TXLNG: variants seen among roughly 807,000 people sequenced by gnomAD.
The protein encoded by TXLNG is gamma-taxilin.
TXLNG carries 5 observed loss-of-function variants against 38.8 expected under a neutral mutation model. The observed-to-expected ratio is 0.13, with a 90% CI of 0.07 to 0.27. The LOEUF (loss-of-function observed/expected upper bound fraction) is 0.27, where lower values mean the gene tolerates loss of function less well. TXLNG is among the 10% of genes least tolerant of loss of function. The probability of loss-of-function intolerance (pLI) is 1.00; values close to 1 mark genes in which losing one functional copy is unlikely to be tolerated. For missense variants in TXLNG, 393 were observed against 398.2 expected (o/e 0.99, Z 0.11); for synonymous variants, 182 against 158.2 (o/e 1.15, Z -1.13).
In TXLNG at chrX:16,823,082, TAC is replaced by T. The variant is rs1229516726; in HGVS notation, c.498+2829_498+2830del. Among the ~76,000 whole-genome samples the T allele has an allele frequency of 5.4e-5, 6 of 111,935 alleles. No individual in the cohort carries two copies. In the Admixed American group the frequency reaches 5.7e-4, roughly 11 times the overall value. On this transcript the variant is annotated intron_variant, in intron 3 of 9. Coordinates refer to ENST00000380122, the MANE Select transcript of TXLNG (RefSeq NM_018360.3). ...TGCCTAGTGAGTAATCTCTCTTTTA[TAC>T]AGATTTGTGCCAAAAATTTGAAAGA...
chrX:16,824,693 C>T (rs1929105457), intron 3 of TXLNG, among the ~76,000 whole-genome samples: 2 of 108,706 alleles, frequency 1.8e-5, no homozygotes, highest in Admixed American at 1.0e-4. Context: ...CTGAGGCAGG[C>T]GGATCACGAG....
At chrX:16,789,715 GA>G (rs1927633641) in intron 1 of TXLNG, among the ~76,000 whole-genome samples, 1 of 107,645 alleles carries the variant, frequency 9.3e-6, no homozygotes, top group Non-Finnish European at 1.9e-5. Flanking sequence ...CTTTTTTTGG[GA>G]ATGGTTTTTA....
chrX:16,805,007 T>G lies in TXLNG; in HGVS notation c.103-13567T>G, dbSNP rs113864624. Reference sequence around the variant, plus strand: ...CCGCTTTTTTTTTTTTTTTTTTTTTTGAGAGACAGAGCCTGGCTGTGTTGC... The same window carrying G: ...CCGCTTTTTTTTTTTTTTTTTTTTTGGAGAGACAGAGCCTGGCTGTGTTGC... On this transcript the variant is annotated intron_variant, in intron 1 of 9. Transcript: ENST00000380122. Among the ~76,000 whole-genome samples, 59 of 38,726 alleles carry G rather than the reference T, an allele frequency of 1.5e-3. 4 individuals carry two copies. The highest frequency in any genetic ancestry group is 1.6e-3 in the Non-Finnish European group (32 of 20,067). The allele number at this position is 38,726 out of a possible 115,157, so 33.6% of individuals were successfully genotyped here.
At chrX:16,802,212 C>T (rs1928127239) in intron 1 of TXLNG, among the ~76,000 whole-genome samples, 2 of 105,563 alleles carry the variant, frequency 1.9e-5, no homozygotes, top group Non-Finnish European at 3.9e-5. Flanking sequence ...ACCTTGGCCT[C>T]CCAAAGTGCT....
intron 1 of TXLNG, among the ~76,000 whole-genome samples, chrX:16,812,691 C>CT (rs55974932): frequency 0.013 from 506 of 39,467 alleles, 87 homozygotes; most frequent in Non-Finnish European, 0.015. Flanking sequence ...TGCGGCCAGC[C>CT]TTTTTTTTTT....
At chrX:16,813,463 C>A (rs1020328236) in intron 1 of TXLNG, among the ~76,000 whole-genome samples, 1 of 105,921 alleles carries the variant, frequency 9.4e-6, no homozygotes, top group Non-Finnish European at 1.9e-5. Context: ...GGCAACATAG[C>A]GAGACTCTCC....
chrX:16,829,756 G>A lies in TXLNG; in HGVS notation c.850G>A (p.Ala284Thr), dbSNP rs192513646. ...GCTAAAGAAGCTCATCGAACAGTAC[G>A]CACTGAGGGAAGAGGTAATGGCATT... ...EKLKKLIEQY[A>T]LREEHIDKVF... Residue 284 changes from alanine to threonine, a missense_variant, in exon 5 of 10, where the codon GCA (alanine) becomes ACA (threonine). Ala to Thr is a moderately conservative substitution (Grantham distance 58, BLOSUM62 0). Coordinates refer to ENST00000380122, the MANE Select transcript of TXLNG (RefSeq NM_018360.3). 4.1e-6 allele frequency: 5 copies of A among 1,205,939 alleles called. No individual in the cohort carries two copies. Among genetic ancestry groups the A allele is most frequent in the African/African-American group, 3.5e-5 (2 of 57,204 alleles).
intron 1 of TXLNG, among the ~76,000 whole-genome samples, chrX:16,810,045 C>G (rs573777966): frequency 1.8e-5 from 2 of 111,679 alleles, no homozygotes; most frequent in South Asian, 7.5e-4. Flanking sequence ...CTGCAGTTTA[C>G]TAACTGTGAC....
chrX:16,811,600 G>A (rs1213259351), intron 1 of TXLNG, among the ~76,000 whole-genome samples: 1 of 106,463 alleles, frequency 9.4e-6, no homozygotes, highest in African/African-American at 3.4e-5. Flanking sequence ...TGCTTGCCTC[G>A]GCCTCCCAAA....
chrX:16,830,662 T>G (rs1488967130), intron 5 of TXLNG, among the ~76,000 whole-genome samples: 1 of 107,486 alleles, frequency 9.3e-6, no homozygotes, highest in Non-Finnish European at 1.9e-5. Context: ...CAACTCAAAC[T>G]TTATAGTTTT....
chrX:16,820,252 T>A lies in TXLNG; in HGVS notation c.495T>A (p.Asp165Glu). The A allele has an allele frequency of 8.3e-7, 1 of 1,199,531 alleles. No homozygotes were observed. The highest frequency in any genetic ancestry group is 1.1e-6 in the Non-Finnish European group (1 of 886,534). ...KLAALCKKYADLLEESRSVQK... is the reference protein window; with the variant it reads ...KLAALCKKYAELLEESRSVQK... Reference sequence around the variant, plus strand: ...CAGCTCTCTGTAAGAAATATGCTGATCTTGTGAGTATTAAGCCAAGGATGT... The same window carrying A: ...CAGCTCTCTGTAAGAAATATGCTGAACTTGTGAGTATTAAGCCAAGGATGT... Residue 165 changes from aspartate to glutamate, a missense_variant, in exon 3 of 10, where the codon GAT (aspartate) becomes GAA (glutamate). Asp to Glu is a conservative substitution (Grantham distance 45). Transcript: ENST00000380122.
intron 1 of TXLNG, among the ~76,000 whole-genome samples, chrX:16,795,557 C>T (rs1046730205): frequency 2.0e-4 from 22 of 111,761 alleles, no homozygotes; most frequent in Non-Finnish European, 9.4e-5. Flanking sequence ...TAGTTTAGCA[C>T]TAGTCTGCCT....
intron 3 of TXLNG, among the ~76,000 whole-genome samples, chrX:16,826,137 T>C (rs1929157358): frequency 8.9e-6 from 1 of 111,755 alleles, no homozygotes; most frequent in African/African-American, 3.3e-5. Context: ...AGGATTGCGC[T>C]AACCCTGGGT....
chrX:16,789,261 G>A (rs776012474), intron 1 of TXLNG, among the ~76,000 whole-genome samples: 1 of 110,245 alleles, frequency 9.1e-6, no homozygotes, highest in Non-Finnish European at 1.9e-5. Flanking sequence ...AGTCACTCGC[G>A]ACCTGCTCAG....
At chrX:16,787,533 C>G (rs1413807785) in intron 1 of TXLNG, among the ~76,000 whole-genome samples, 2 of 111,295 alleles carry the variant, frequency 1.8e-5, no homozygotes, top group Non-Finnish European at 3.8e-5. Flanking sequence ...TTCAGTCCCT[C>G]CCTAGATACA....
chrX:16,840,569 C>G (rs1165697260), intron 9 of TXLNG: 2 of 393,250 alleles, frequency 5.1e-6, no homozygotes, highest in South Asian at 1.3e-4. Flanking sequence ...GTCAAGAGAT[C>G]GAGACCAGCC....
chrX:16,813,765 A>T (rs746508845), intron 1 of TXLNG, among the ~76,000 whole-genome samples: 92 of 110,642 alleles, frequency 8.3e-4, no homozygotes, highest in Non-Finnish European at 9.3e-4. Flanking sequence ...TCCACACAAA[A>T]ATGAATGCAT....
At chrX:16,820,720 C>G (rs1372842346) in intron 3 of TXLNG, among the ~76,000 whole-genome samples, 1 of 112,528 alleles carries the variant, frequency 8.9e-6, no homozygotes, top group Admixed American at 9.4e-5. Flanking sequence ...TCCTTTTTTC[C>G]ATTTTCTAGA....
intron 3 of TXLNG, among the ~76,000 whole-genome samples, chrX:16,824,197 T>TACACAC (rs538752327): frequency 1.8e-5 from 2 of 111,314 alleles, no homozygotes; most frequent in South Asian, 7.4e-4. Flanking sequence ...CAAGACCCTG[T>TACACAC]ACACACACAC....
Sources: allele counts gnomAD v4.1 joint callset (sites outside exome capture counted in the v4.1 genomes callset), GRCh38; gene constraint gnomAD v4.1.1; transcripts MANE v1.5; gene names NCBI Gene and HGNC (gene_info 2026-07-23, HGNC 2026-07-21).